Variants in CCDC57 observed in about 807,000 individuals in gnomAD.
The protein encoded by CCDC57 is coiled-coil domain containing 57.
CCDC57 carries 118 observed loss-of-function variants against 118.9 expected under a neutral mutation model. The ratio of observed to expected loss-of-function variants is 0.99; its 90% confidence interval spans 0.86 to 1.16. The LOEUF (loss-of-function observed/expected upper bound fraction) is 1.16. Ranked by LOEUF, CCDC57 falls within the 50% of genes most tolerant of loss-of-function variation. CCDC57 has a pLI of 0.00. For synonymous variants in CCDC57, 527 were observed against 532.9 expected, an observed-to-expected ratio of 0.99 and a Z score of 0.15; for missense variants, 1,300 against 1,320.7, an observed-to-expected ratio of 0.98 and a Z score of 0.24.
exon 20 of CCDC57, chr17:82,101,764 G>A (rs770056225): frequency 6.2e-7 from 1 of 1,609,986 alleles, no homozygotes; most frequent in Admixed American, 1.7e-5. Context: ...GGAGGCTCCT[G>A]TGGTCTTGGC....
At chr17:82,116,054 C>G (rs1440331388) in intron 19 of CCDC57, among the ~76,000 whole-genome samples, 1 of 150,270 alleles carries the variant, frequency 6.7e-6, no homozygotes, top group East Asian at 2.0e-4. Flanking sequence ...GCCTCAGCCT[C>G]CCAAAGTGCT....
intron 19 of CCDC57, among the ~76,000 whole-genome samples, chr17:82,106,925 C>T (rs1039323277): frequency 6.6e-6 from 1 of 152,204 alleles, no homozygotes; most frequent in East Asian, 1.9e-4. Context: ...GGCACCCTAG[C>T]ATCTCAGGGC....
chr17:82,154,185 G>A (rs888819873), intron 15 of CCDC57: 1 of 152,374 alleles, frequency 6.6e-6, no homozygotes, highest in Non-Finnish European at 1.5e-5. Context: ...CCAAAGCCAG[G>A]CTGTGCGGCT....
intron 4 of CCDC57, among the ~76,000 whole-genome samples, chr17:82,195,901 C>T (rs903079253): frequency 6.6e-6 from 1 of 152,208 alleles, no homozygotes; most frequent in African/African-American, 2.4e-5. Context: ...CCCTAGTAAC[C>T]AAAGCTGCCA....
chr17:82,126,917 G>T lies in CCDC57; in HGVS notation c.2899+775C>A, dbSNP rs543039354. ...AAGGTAAGAAGGGGACGCCCTCCATGCAGGCACACAGGAAGGACGCACGCT... is the reference window on the plus strand; with the variant it reads ...AAGGTAAGAAGGGGACGCCCTCCATTCAGGCACACAGGAAGGACGCACGCT... On this transcript the variant is annotated intron_variant, in intron 19 of 19. Transcript: ENST00000665763. The T allele has an allele frequency of 9.1e-6, 9 of 985,380 alleles. No homozygotes were observed. In the South Asian group the frequency reaches 2.8e-4, roughly 31 times the overall value. 61.0% of individuals were successfully genotyped at this position (985,380 alleles called of 1,614,324 possible).
At chr17:82,102,892 A>T (rs1299933695) in intron 19 of CCDC57, among the ~76,000 whole-genome samples, 1 of 151,788 alleles carries the variant, frequency 6.6e-6, no homozygotes. Flanking sequence ...TCTCAAAAAA[A>T]AAAAAAACAA....
rs898894771 is a variant in CCDC57, at chr17:82,192,403, T to C, written c.851+1353A>G. On this transcript the variant is annotated intron_variant, in intron 7 of 19. Coordinates refer to ENST00000665763, the Ensembl canonical transcript of CCDC57. The surrounding 1 kb of genome is among the most constrained non-coding windows in gnomAD (Gnocchi z 4.0). ...AGTAGGTTCTAAGTAGTTAAGTTTT[T>C]GGGGAGTGAAAAGTTATATGTGAAT... Among the ~76,000 whole-genome samples the C allele has an allele frequency of 6.6e-6, 1 of 152,226 alleles. No homozygotes were observed. The highest frequency in any genetic ancestry group is 2.4e-5 in the African/African-American group (1 of 41,460).
intron 2 of CCDC57, among the ~76,000 whole-genome samples, chr17:82,206,313 T>C (rs929811643): frequency 5.3e-5 from 8 of 152,266 alleles, no homozygotes; most frequent in African/African-American, 1.7e-4. Flanking sequence ...CATGGTTTTC[T>C]TGCACAGTTC....
chr17:82,191,920 G>A (rs537718568), intron 7 of CCDC57, among the ~76,000 whole-genome samples: 49 of 151,846 alleles, frequency 3.2e-4, no homozygotes, highest in Non-Finnish European at 4.3e-4. Context: ...CACCTGCCTC[G>A]GCCTCCCAAA....
chr17:82,155,364 A>G (rs1048964936), intron 15 of CCDC57: 3 of 152,238 alleles, frequency 2.0e-5, no homozygotes, highest in African/African-American at 7.2e-5. Context: ...GTCCATTGCT[A>G]TCAGCCTGGA....
chr17:82,188,292 G>T, exon 8 of CCDC57: 1 of 1,592,658 alleles, frequency 6.3e-7, no homozygotes. Context: ...TGCGCCTCGA[G>T]GGTCTCGCAG....
intron 9 of CCDC57, among the ~76,000 whole-genome samples, chr17:82,181,622 A>G (rs995160934): frequency 1.3e-5 from 2 of 152,258 alleles, no homozygotes; most frequent in African/African-American, 4.8e-5. Context: ...CCATAGAAAC[A>G]GACTCAGAAA....
At chr17:82,178,760 C>T (rs1223686632) in intron 10 of CCDC57, among the ~76,000 whole-genome samples, 155 bp from the exon 10 acceptor site, 1 of 152,268 alleles carries the variant, frequency 6.6e-6, no homozygotes, top group African/African-American at 2.4e-5. Context: ...ATGCATACCC[C>T]AGGCTGCCCT....
intron 5 of CCDC57, 155 bp from the exon 5 acceptor site, chr17:82,194,294 A>G (rs1246034347): frequency 1.4e-6 from 1 of 731,554 alleles, no homozygotes; most frequent in East Asian, 2.7e-5. Flanking sequence ...ACACAACTCA[A>G]ACGAGACTCA....
rs572752303 is a variant in CCDC57 at position 82,131,708 on chromosome 17, T to C, written c.2577+2365A>G. On this transcript the variant is annotated intron_variant, in intron 17 of 19. Transcript: ENST00000665763. ...CAGACGTTGCAATAAGCCGAGACTG[T>C]GCCACTGCACTCCAGCCTGGGCGAC... is the stretch of plus-strand genomic sequence containing the variant. Among the ~76,000 whole-genome samples the C allele has an allele frequency of 6.6e-5, 10 of 151,134 alleles. 1 individual carries two copies. Among genetic ancestry groups the C allele is most frequent in the Middle Eastern group, 3.5e-3 (1 of 286 alleles).
At chr17:82,111,517 C>T (rs2035243885) in intron 19 of CCDC57, among the ~76,000 whole-genome samples, 2 of 151,858 alleles carry the variant, frequency 1.3e-5, no homozygotes, top group African/African-American at 4.8e-5. Flanking sequence ...CAGCTGGGAC[C>T]ACAGACATGT....
chr17:82,157,955 G>T lies in CCDC57; in HGVS notation c.2041-7C>A, dbSNP rs759601417. ...CCAGGGGTTCCCGCAGCACCTAGGG[G>T]TCATTTCAAAGGCAGTGTGAGGAAT... On this transcript the variant is annotated splice_region_variant and splice_polypyrimidine_tract_variant and intron_variant, in intron 14 of 19. Transcript: ENST00000665763. 1 of 1,550,992 alleles carries T rather than the reference G, an allele frequency of 6.4e-7. No homozygotes were observed.
chr17:82,156,267 G>A (rs2042668721), intron 15 of CCDC57: 1 of 151,296 alleles, frequency 6.6e-6, no homozygotes, highest in African/African-American at 2.4e-5. Context: ...CTCCAGATTG[G>A]GCGACAGTGT....
intron 19 of CCDC57, among the ~76,000 whole-genome samples, chr17:82,117,977 A>G (rs1269384121): frequency 6.6e-6 from 1 of 152,178 alleles, no homozygotes; most frequent in Non-Finnish European, 1.5e-5. Flanking sequence ...TAAGAGCTAA[A>G]AACGACAGGC....
Sources: gnomAD v4.1 joint callset for allele counts (sites outside exome capture counted in the v4.1 genomes callset) on GRCh38, gnomAD v4.1.1 for gene constraint, Gnocchi (gnomAD v3.1) non-coding constraint, MANE v1.5 for transcripts, NCBI Gene and HGNC (gene_info 2026-07-23, HGNC 2026-07-21) for gene names.